Variants in GPR135 observed in about 807,000 individuals in gnomAD.
GPR135 encodes G protein-coupled receptor 135.
In GPR135, 17 loss-of-function variants were observed where a neutral mutation model predicts 15.0. The ratio of observed to expected loss-of-function variants is 1.13; its 90% CI spans 0.78 to 1.70. GPR135 has a LOEUF of 1.70. Ranked by LOEUF, GPR135 falls within the 40% of genes most tolerant of loss-of-function variation. The pLI, the probability that GPR135 is intolerant of heterozygous loss-of-function variation, is 0.00. For missense variants in GPR135, 776 were observed against 727.0 expected (o/e 1.07, Z -0.78); for synonymous variants, 368 against 349.4 (o/e 1.05, Z -0.59).
chr14:59,457,498 AT>A (rs984386155), downstream of GPR135, among the ~76,000 whole-genome samples: 9 of 151,632 alleles, frequency 5.9e-5, no homozygotes, highest in Admixed American at 3.3e-4. Context: ...GGCTGTATTC[AT>A]TTTTTCTGCA....
chr14:59,457,478 A>G (rs181496635), downstream of GPR135, among the ~76,000 whole-genome samples: 1 of 152,156 alleles, frequency 6.6e-6, no homozygotes, highest in Admixed American at 6.5e-5. Flanking sequence ...GGTCTCCCAC[A>G]GGTCTTTGAG....
chr14:59,465,227 G>C lies in GPR135; in HGVS notation c.-1C>G, dbSNP rs1889119183. ...GGCGGGGCGGCTGCGGCTCCTCCAT[G>C]GGGCCCAGTGGCGGCCGCGGATCTC... is the stretch of plus-strand genomic sequence containing the variant. On this transcript the variant is annotated 5_prime_UTR_variant, in exon 1 of 1. Transcript: ENST00000395116. 1.6e-6 allele frequency: 2 copies of C among 1,235,672 alleles called. No individual in the cohort carries two copies. Among genetic ancestry groups the C allele is most frequent in the Admixed American group, 8.5e-5 (2 of 23,406 alleles). The allele number at this position is 1,235,672 out of a possible 1,614,324, so 76.5% of individuals were successfully genotyped here.
chr14:59,465,126 G>T lies in GPR135; in HGVS notation c.101C>A (p.Ser34Tyr), dbSNP rs1253586386. 2 of 1,379,456 alleles carry T rather than the reference G, an allele frequency of 1.4e-6. No individual in the cohort carries two copies. Among genetic ancestry groups the T allele is most frequent in the Non-Finnish European group, 1.9e-6 (2 of 1,065,528 alleles). The allele number at this position is 1,379,456 out of a possible 1,614,324, so 85.5% of individuals were successfully genotyped here. ...PSAAGPPGGTSSAATAAVLSF... is the reference protein window; with the variant it reads ...PSAAGPPGGTYSAATAAVLSF... ...GAGCACGGCCGCCGTGGCCGCGGAG[G>T]AAGTCCCGCCAGGTGGGCCGGCCGC... is the stretch of plus-strand genomic sequence containing the variant. The change falls in exon 1 of 1, where the codon TCC becomes TAC. Residue 34 changes from serine (S) to tyrosine (Y), a missense_variant. Physicochemically the swap from Ser to Tyr is moderately radical, Grantham distance 144. Transcript: ENST00000395116.
Position 59,463,851 on chromosome 14 carries a change from A to G in GPR135, c.1376T>C (p.Met459Thr), listed in dbSNP as rs201029260. The change falls in exon 1 of 1, where the codon ATG becomes ACG. Residue 459 changes from methionine to threonine, a missense_variant. Met to Thr is a moderately conservative substitution (Grantham distance 81). Coordinates refer to ENST00000395116, the MANE Select transcript of GPR135 (RefSeq NM_022571.6). ...PASGVAGDVA[M>T]WARKNPVVLF... Reference sequence around the variant, plus strand: ...TACAACTGGATTTTTGCGGGCCCACATGGCCACGTCCCCTGCCACTCCGCT... The same window carrying G: ...TACAACTGGATTTTTGCGGGCCCACGTGGCCACGTCCCCTGCCACTCCGCT... 6.8e-6 allele frequency: 11 copies of G among 1,613,964 alleles called. No individual in the cohort carries two copies. The East Asian group carries it at 2.0e-4, about 29-fold the overall frequency.
rs1888967787 is a variant in GPR135 at position 59,463,904 on chromosome 14, G to A, written c.1323C>T (p.Cys441=). The A allele has an allele frequency of 1.2e-6, 2 of 1,614,102 alleles. No homozygotes were observed. Among genetic ancestry groups the A allele is most frequent in the South Asian group, 1.1e-5 (1 of 91,074 alleles). Residue 441 remains cysteine (C), a synonymous_variant, in exon 1 of 1, where the codon TGC becomes TGT. Transcript: ENST00000395116. ...RNRYANRLGA[C]NRMSSSNPAS... The stretch of plus-strand genomic sequence containing the variant: ...CCGGGTTGGAAGAGGACATCCTGTT[G>A]CAGGCCCCCAGCCGGTTGGCATAGC...
rs1438457684 is a variant in GPR135 at position 59,464,173 on chromosome 14, G to A, written c.1054C>T (p.Leu352=). 1.9e-6 allele frequency: 3 copies of A among 1,609,048 alleles called. No individual in the cohort carries two copies. The South Asian group carries it at 3.3e-5, about 18-fold the overall frequency. ...TGGGCCTGCCGGGCGGCGGCCAGCA[G>A]CACCAGGAAGCAGTAGGGCCCCCAG... ...CCWGPYCFLV[L]LAAARQAQTM... The change falls in exon 1 of 1, where the codon CTG becomes TTG. Residue 352 remains leucine (L), a synonymous_variant. Transcript: ENST00000395116.
Position 59,464,117 on chromosome 14 carries a change from C to G in GPR135, c.1110G>C (p.Val370=), listed in dbSNP as rs1220910869. Residue 370 remains valine (V), a synonymous_variant, in exon 1 of 1, where the codon GTG becomes GTC. Transcript: ENST00000395116. The stretch of plus-strand genomic sequence containing the variant: ...TGGCCCAGGTCAGCCAGACGGCCAC[C>G]ACGCTGAGGAGCGAGGGGGCCTGCA... ...QTMQAPSLLS[V]VAVWLTWANG... The G allele has an allele frequency of 6.2e-7, 1 of 1,611,300 alleles. No homozygotes were observed. The highest frequency in any genetic ancestry group is 8.5e-7 in the Non-Finnish European group (1 of 1,179,940).
chr14:59,464,079 T>G lies in GPR135; in HGVS notation c.1148A>C (p.Asn383Thr), dbSNP rs1888984385. Residue 383 changes from asparagine to threonine, a missense_variant, in exon 1 of 1, where the codon AAC becomes ACC. Coordinates refer to ENST00000395116, the MANE Select transcript of GPR135 (RefSeq NM_022571.6). Reference protein sequence around the residue: ...VWLTWANGAINPVIYAIRNPN... With the variant: ...VWLTWANGAITPVIYAIRNPN... ...ATTGCGGATGGCGTAGATGACAGGG[T>G]TGATGGCCCCATTGGCCCAGGTCAG... is the stretch of plus-strand genomic sequence containing the variant. 6.2e-7 allele frequency: 1 copy of G among 1,612,954 alleles called. No homozygotes were observed.
downstream of GPR135, among the ~76,000 whole-genome samples, chr14:59,457,858 C>T (rs773812926): frequency 2.0e-5 from 3 of 152,046 alleles, no homozygotes; most frequent in East Asian, 1.9e-4. Context: ...TTCCTGGGTA[C>T]GGTTCATATT....
chr14:59,453,205 AT>A (rs1219625987), intron 6 of GPR135, among the ~76,000 whole-genome samples: 1 of 152,228 alleles, frequency 6.6e-6, no homozygotes, highest in Non-Finnish European at 1.5e-5. Context: ...CGAAGAGTGA[AT>A]GAACCCTAAT....
rs1433155075 is a variant in GPR135 at position 59,464,858 on chromosome 14, C to G, written c.369G>C (p.Ala123=). ...GGTGCTTCACAATCACCCCCATCAC[C>G]GCGCAGTTGCCAAGGCTAGACAGCA... ...IFLLSSLGNC[A]VMGVIVKHRQ... The change falls in exon 1 of 1, where the codon GCG becomes GCC. Residue 123 remains alanine (A), a synonymous_variant. Transcript: ENST00000395116. 1 of 1,604,256 alleles carries G rather than the reference C, an allele frequency of 6.2e-7. No homozygotes were observed. The highest frequency in any genetic ancestry group is 1.7e-5 in the Admixed American group (1 of 59,042).
chr14:59,464,245 G>C lies in GPR135; in HGVS notation c.982C>G (p.Arg328Gly), dbSNP rs773369900. The C allele has an allele frequency of 6.8e-6, 11 of 1,611,604 alleles. No homozygotes were observed. Among genetic ancestry groups the C allele is most frequent in the African/African-American group, 1.3e-5 (1 of 74,934 alleles). ...ARVLRFFSEV[R>G]TATTVLIMIV... Reference sequence around the variant, plus strand: ...ATGATGAGGACGGTGGTGGCCGTGCGCACCTCGCTGAAGAAGCGCAGCACG... The same window carrying C: ...ATGATGAGGACGGTGGTGGCCGTGCCCACCTCGCTGAAGAAGCGCAGCACG... The change falls in exon 1 of 1, where the codon CGC becomes GGC. Residue 328 changes from arginine to glycine, a missense_variant. Arg to Gly is a moderately radical substitution (Grantham distance 125). Coordinates refer to ENST00000395116, the MANE Select transcript of GPR135 (RefSeq NM_022571.6).
downstream of GPR135, among the ~76,000 whole-genome samples, chr14:59,457,401 A>G (rs964443727): frequency 5.3e-5 from 8 of 152,162 alleles, no homozygotes; most frequent in Admixed American, 2.6e-4. Context: ...TTCTTCAAAT[A>G]CTTTTTCTGC....
chr14:59,463,822 A>C lies in GPR135; in HGVS notation c.1405T>G (p.Phe469Val). ...GGCTCTGGTGGTCCCTCTCGGCAGA[A>C]AAGTACAACTGGATTTTTGCGGGCC... is the stretch of plus-strand genomic sequence containing the variant. ...MWARKNPVVLFCREGPPEPVT... is the reference protein window; with the variant it reads ...MWARKNPVVLVCREGPPEPVT... The change falls in exon 1 of 1, where the codon TTC (phenylalanine) becomes GTC (valine). Residue 469 changes from phenylalanine (F) to valine (V), a missense_variant. By Grantham distance (50) the Phe-to-Val change is conservative (BLOSUM62 -1). Transcript: ENST00000395116. The C allele has an allele frequency of 6.2e-7, 1 of 1,614,244 alleles. No individual in the cohort carries two copies. The highest frequency in any genetic ancestry group is 8.5e-7 in the Non-Finnish European group (1 of 1,180,034).
At chr14:59,458,425 G>A (rs1003122924), downstream of GPR135, among the ~76,000 whole-genome samples, 26 of 152,142 alleles carry the variant, frequency 1.7e-4, no homozygotes, top group African/African-American at 6.0e-4. Flanking sequence ...CTCTCATGAA[G>A]TTTTTAGCCT....
At position 59,463,907 on chromosome 14, in the gene GPR135, G is replaced by A. The variant is rs950032836; in HGVS notation, c.1320C>T (p.Ala440=). The change falls in exon 1 of 1, where the codon GCC becomes GCT. Residue 440 remains alanine, a synonymous_variant. Coordinates refer to ENST00000395116, the MANE Select transcript of GPR135 (RefSeq NM_022571.6). The stretch of plus-strand genomic sequence containing the variant: ...GGTTGGAAGAGGACATCCTGTTGCA[G>A]GCCCCCAGCCGGTTGGCATAGCGGT... The part of the protein sequence containing the change: ...LRNRYANRLG[A]CNRMSSSNPA... 6.2e-7 allele frequency: 1 copy of A among 1,613,966 alleles called. No individual in the cohort carries two copies.
At position 59,463,402 on chromosome 14, in the gene GPR135, A is replaced by G. The variant is rs535459924; in HGVS notation, c.*340T>C. On this transcript the variant is annotated 3_prime_UTR_variant, in exon 1 of 1. Transcript: ENST00000395116. ...TCCTGAAATTCTGTGTAGTTGAACA[A>G]TACTGGTTGCATTCAATGTTTTGTT... 7.8e-6 allele frequency: 2 copies of G among 256,590 alleles called. No individual in the cohort carries two copies. Among genetic ancestry groups the G allele is most frequent in the African/African-American group, 4.5e-5 (2 of 44,534 alleles). The allele number at this position is 256,590 out of a possible 1,614,324, so 15.9% of individuals were successfully genotyped here. A position where few individuals can be genotyped will look rare whatever the true frequency, so the allele number is the denominator to read the frequency against.
Position 59,463,788 on chromosome 14 carries a change from G to A in GPR135, c.1439C>T (p.Ala480Val), listed in dbSNP as rs1350311330. Residue 480 changes from alanine (A) to valine (V), a missense_variant, in exon 1 of 1, where the codon GCA becomes GTA. Physicochemically the swap from Ala to Val is moderately conservative, Grantham distance 64 (BLOSUM62 0). Coordinates refer to ENST00000395116, the MANE Select transcript of GPR135 (RefSeq NM_022571.6). ...TTCGGATTTAGGCTGTTTGGTCACTGCCGTCACCGGCTCTGGTGGTCCCTC... is the reference window on the plus strand; with the variant it reads ...TTCGGATTTAGGCTGTTTGGTCACTACCGTCACCGGCTCTGGTGGTCCCTC... ...CREGPPEPVT[A>V]VTKQPKSEAG... 1.2e-6 allele frequency: 2 copies of A among 1,613,084 alleles called. No individual in the cohort carries two copies. Among genetic ancestry groups the A allele is most frequent in the Non-Finnish European group, 1.7e-6 (2 of 1,179,390 alleles).
chr14:59,453,207 G>A (rs1253125), intron 6 of GPR135, among the ~76,000 whole-genome samples: 3,181 of 152,272 alleles, frequency 0.021, 109 homozygotes, highest in African/African-American at 0.073. Context: ...AAGAGTGAAT[G>A]AACCCTAATG....
Sources: allele counts gnomAD v4.1 joint callset (sites outside exome capture counted in the v4.1 genomes callset), GRCh38; gene constraint gnomAD v4.1.1; transcripts MANE v1.5; gene names NCBI Gene and HGNC (gene_info 2026-07-23, HGNC 2026-07-21).